GALNT17: variants seen among roughly 807,000 people sequenced by gnomAD.
GALNT17 encodes UDP-GalNAc:polypeptide N-acetylgalactosaminyltransferase-like 3.
GALNT17 carries 29 observed loss-of-function variants against 63.7 expected under a neutral mutation model. The observed-to-expected ratio is 0.46, with a 90% CI of 0.34 to 0.62. The LOEUF (loss-of-function observed/expected upper bound fraction) is 0.62, where lower values mean the gene tolerates loss of function less well. GALNT17 is among the 20% of genes least tolerant of loss of function. The pLI is 0.01. For synonymous variants in GALNT17, 305 were observed against 318.3 expected (o/e 0.96, Z 0.45); for missense variants, 603 against 799.6 (o/e 0.75, Z 2.97).
chr7:71,199,791 T>A (rs1461712699), intron 1 of GALNT17, among the ~76,000 whole-genome samples: 1 of 151,398 alleles, frequency 6.6e-6, no homozygotes, highest in African/African-American at 2.4e-5. Context: ...TCTATCCATA[T>A]GTATATTCAT....
chr7:71,557,739 C>T (rs1192949350), intron 5 of GALNT17, among the ~76,000 whole-genome samples: 1 of 151,572 alleles, frequency 6.6e-6, no homozygotes, highest in African/African-American at 2.4e-5. Flanking sequence ...TGCAGTGAAC[C>T]GAGATCGCGC....
intron 6 of GALNT17, among the ~76,000 whole-genome samples, chr7:71,608,331 G>T (rs1201386973): frequency 6.6e-6 from 1 of 152,104 alleles, no homozygotes; most frequent in African/African-American, 2.4e-5. Context: ...CACTCATGCA[G>T]TTGCTGGCTC....
intron 3 of GALNT17, among the ~76,000 whole-genome samples, chr7:71,409,883 G>T (rs1167143415): frequency 1.3e-5 from 2 of 152,120 alleles, no homozygotes; most frequent in Non-Finnish European, 1.5e-5. Flanking sequence ...AAGGTGAGAG[G>T]CTGGAGAATC....
At chr7:71,167,208 G>T (rs1788458312) in intron 1 of GALNT17, among the ~76,000 whole-genome samples, 1 of 151,854 alleles carries the variant, frequency 6.6e-6, no homozygotes, top group Admixed American at 6.6e-5. Context: ...TTGAAGAACT[G>T]TTTTTTCCGT....
intron 1 of GALNT17, among the ~76,000 whole-genome samples, chr7:71,324,146 G>C (rs986978566): frequency 2.0e-5 from 3 of 152,170 alleles, no homozygotes; most frequent in Admixed American, 2.0e-4. Context: ...TGCATATTAC[G>C]TGAAAACTTT....
At chr7:71,380,554 T>G (rs1027363265) in intron 2 of GALNT17, among the ~76,000 whole-genome samples, 1 of 152,038 alleles carries the variant, frequency 6.6e-6, no homozygotes, top group African/African-American at 2.4e-5. Context: ...ACTCCTGGCC[T>G]CAACAATCCT....
At chr7:71,469,689 A>G (rs1787596110) in intron 5 of GALNT17, among the ~76,000 whole-genome samples, 2 of 152,244 alleles carry the variant, frequency 1.3e-5, no homozygotes, top group Admixed American at 1.3e-4. Context: ...TTATACATCC[A>G]GTTCTGTTAC....
intron 2 of GALNT17, among the ~76,000 whole-genome samples, chr7:71,340,299 A>G (rs1334354374): frequency 6.6e-6 from 1 of 152,220 alleles, no homozygotes; most frequent in African/African-American, 2.4e-5. Flanking sequence ...ACTATAGTTC[A>G]TAGAGGTGGC....
At chr7:71,356,258 C>T (rs140618350) in intron 2 of GALNT17, among the ~76,000 whole-genome samples, 7 of 152,288 alleles carry the variant, frequency 4.6e-5, no homozygotes, top group South Asian at 2.1e-4. Flanking sequence ...GATTTGCTTA[C>T]ATTCATTAAT....
intron 2 of GALNT17, among the ~76,000 whole-genome samples, chr7:71,349,940 A>T (rs951991268): frequency 3.9e-5 from 6 of 152,202 alleles, no homozygotes; most frequent in African/African-American, 1.4e-4. Context: ...GGTTGCGCTT[A>T]GGCAATATTA....
At chr7:71,377,085 C>CA (rs34111153) in intron 2 of GALNT17, among the ~76,000 whole-genome samples, 924 of 18,488 alleles carry the variant, frequency 0.05, 104 homozygotes, top group African/African-American at 0.22. Context: ...TATTCCATCT[C>CA]AAAAAAAAAA....
At chr7:71,365,040 C>T (rs1792477758) in intron 2 of GALNT17, among the ~76,000 whole-genome samples, 1 of 152,010 alleles carries the variant, frequency 6.6e-6, no homozygotes, top group African/African-American at 2.4e-5. Context: ...AAGCGGTTCT[C>T]CTGCCTCAGC....
At chr7:71,573,322 A>AT (rs1562696287) in intron 6 of GALNT17, among the ~76,000 whole-genome samples, 3 of 142,198 alleles carry the variant, frequency 2.1e-5, no homozygotes, top group South Asian at 2.2e-4. Context: ...TAATTAATTA[A>AT]TTAATTTATT....
At chr7:71,475,129 G>A (rs1288451225) in intron 5 of GALNT17, among the ~76,000 whole-genome samples, 1 of 152,182 alleles carries the variant, frequency 6.6e-6, no homozygotes, top group Non-Finnish European at 1.5e-5. Context: ...GAATGTGAGA[G>A]AATCAATTTC....
intron 1 of GALNT17, among the ~76,000 whole-genome samples, chr7:71,279,469 C>T (rs749982124): frequency 4.0e-5 from 6 of 151,778 alleles, no homozygotes; most frequent in African/African-American, 7.3e-5. Flanking sequence ...ACAGCAAGAC[C>T]GTATCAACCT....
In GALNT17 at chr7:71,516,903, A is replaced by G. The variant is rs561974538; in HGVS notation, c.963-54382A>G. On this transcript the variant is annotated intron_variant, in intron 5 of 10. Transcript: ENST00000333538. The stretch of plus-strand genomic sequence containing the variant: ...AAAACAATTACAGCCTCCCAGGGTC[A>G]TGCTTGGTTTCTCTGCACTCAGAGC... Among the ~76,000 whole-genome samples, 6 of 152,262 alleles carry G rather than the reference A, an allele frequency of 3.9e-5. No homozygotes were observed. The South Asian group carries it at 1.2e-3, about 32-fold the overall frequency.
chr7:71,348,350 T>C (rs943880754), intron 2 of GALNT17, among the ~76,000 whole-genome samples: 1 of 152,136 alleles, frequency 6.6e-6, no homozygotes, highest in African/African-American at 2.4e-5. Context: ...GCCCCAAAGG[T>C]TATGAATTGG....
chr7:71,204,599 C>A (rs1238274162), intron 1 of GALNT17, among the ~76,000 whole-genome samples: 1 of 150,746 alleles, frequency 6.6e-6, no homozygotes, highest in Non-Finnish European at 1.5e-5. Context: ...AGAGTCTCAC[C>A]CTGTTGCCCA....
intron 5 of GALNT17, among the ~76,000 whole-genome samples, chr7:71,516,248 A>AT (rs1488079201): frequency 7.2e-5 from 11 of 152,140 alleles, no homozygotes; most frequent in Non-Finnish European, 7.3e-5. Flanking sequence ...GGAAAAAAAA[A>AT]GGGAGGCAGT....
Sources: gnomAD v4.1 joint callset for allele counts (sites outside exome capture counted in the v4.1 genomes callset) on GRCh38, gnomAD v4.1.1 for gene constraint, MANE v1.5 for transcripts, NCBI Gene and HGNC (gene_info 2026-07-23, HGNC 2026-07-21) for gene names.